PTCHD4: variants seen among roughly 807,000 people sequenced by gnomAD.
PTCHD4 encodes patched domain-containing protein 4.
A neutral mutation model predicts 58.1 loss-of-function variants in PTCHD4; 33 were observed. The ratio of observed to expected loss-of-function variants is 0.57; its 90% CI spans 0.43 to 0.76. The LOEUF (loss-of-function observed/expected upper bound fraction) is 0.76. PTCHD4 is among the 30% of genes least tolerant of loss of function. The probability of loss-of-function intolerance (pLI) is 0.00; values close to 1 mark genes in which losing one functional copy is unlikely to be tolerated. For missense variants in PTCHD4, 1,058 were observed against 1,027.1 expected (o/e 1.03, Z -0.41); for synonymous variants, 478 against 409.6 (o/e 1.17, Z -2.02).
chr6:47,966,754 T>G (rs1767311473), intron 4 of PTCHD4, among the ~76,000 whole-genome samples: 1 of 152,222 alleles, frequency 6.6e-6, no homozygotes, highest in Non-Finnish European at 1.5e-5. Flanking sequence ...TGCTCATTCA[T>G]AAGAAGCAAC....
At chr6:47,994,354 A>T (rs1299089951) in intron 4 of PTCHD4, among the ~76,000 whole-genome samples, 4 of 152,226 alleles carry the variant, frequency 2.6e-5, no homozygotes, top group Non-Finnish European at 5.9e-5. Flanking sequence ...TCATTCAGTC[A>T]GTCCAAAAAT....
intron 4 of PTCHD4, among the ~76,000 whole-genome samples, chr6:47,940,870 T>C (rs1398231239): frequency 6.6e-6 from 1 of 152,180 alleles, no homozygotes; most frequent in Non-Finnish European, 1.5e-5. Context: ...GTCAAATCAA[T>C]ATTAAAATGT....
At chr6:48,046,496 ATT>A (rs1386013334) in intron 3 of PTCHD4, among the ~76,000 whole-genome samples, 4 of 151,906 alleles carry the variant, frequency 2.6e-5, no homozygotes, top group Admixed American at 2.0e-4. Context: ...TGGATTGATT[ATT>A]TTCTACCTTT....
chr6:48,003,970 T>C (rs1370553870), intron 4 of PTCHD4, among the ~76,000 whole-genome samples: 2 of 152,258 alleles, frequency 1.3e-5, no homozygotes, highest in East Asian at 1.9e-4. Context: ...TGACCACTTA[T>C]GTTCTTTATC....
intron 4 of PTCHD4, among the ~76,000 whole-genome samples, chr6:47,891,782 A>G (rs1388714569): frequency 1.3e-5 from 2 of 151,980 alleles, no homozygotes; most frequent in Admixed American, 6.6e-5. Context: ...GTAATTAGTC[A>G]ATAAACCTAA....
At chr6:48,029,745 G>A (rs1763371039) in intron 3 of PTCHD4, among the ~76,000 whole-genome samples, 1 of 151,926 alleles carries the variant, frequency 6.6e-6, no homozygotes, top group African/African-American at 2.4e-5. Context: ...TGTTCTTCTG[G>A]ACATAAGTAG....
chr6:47,978,070 T>C (rs1330408538), intron 4 of PTCHD4, among the ~76,000 whole-genome samples: 1 of 152,126 alleles, frequency 6.6e-6, no homozygotes, highest in Admixed American at 6.6e-5. Context: ...TAGCAAATAA[T>C]CCTTACTGCT....
At position 47,893,423 on chromosome 6, in the gene PTCHD4, T is replaced by C. The variant is rs186645002; in HGVS notation, c.899-13487A>G. On this transcript the variant is annotated intron_variant, in intron 4 of 4. Coordinates refer to ENST00000339488, the MANE Select transcript of PTCHD4 (RefSeq NM_001384253.1). ...AAAAGATGCACTGTGGAGTCAGGCA[T>C]TTTGGTCCCAGTTCTGGCTCCATAT... Among the ~76,000 whole-genome samples the C allele has an allele frequency of 3.7e-3, 565 of 152,320 alleles. 3 individuals carry two copies. Among genetic ancestry groups the C allele is most frequent in the African/African-American group, 0.012 (501 of 41,562 alleles).
intron 4 of PTCHD4, among the ~76,000 whole-genome samples, chr6:47,970,660 AAC>A (rs574400505): frequency 6.7e-4 from 102 of 152,270 alleles, no homozygotes; most frequent in Admixed American, 1.7e-3. Flanking sequence ...TTTTAGAGGA[AAC>A]ACAGTACTGA....
intron 4 of PTCHD4, among the ~76,000 whole-genome samples, chr6:47,959,142 G>A (rs930560387): frequency 5.3e-5 from 8 of 152,140 alleles, no homozygotes; most frequent in African/African-American, 1.7e-4. Flanking sequence ...TAAACCAGAA[G>A]TGAAATGGAT....
intron 3 of PTCHD4, among the ~76,000 whole-genome samples, chr6:48,064,722 ATT>A (rs1397017259): frequency 1.3e-5 from 2 of 152,106 alleles, no homozygotes; most frequent in East Asian, 3.9e-4. Context: ...GTTAATGACT[ATT>A]TGTTGTGAAT....
intron 1 of PTCHD4, among the ~76,000 whole-genome samples, chr6:48,086,293 A>G (rs1472752399): frequency 1.3e-5 from 2 of 152,198 alleles, no homozygotes; most frequent in Non-Finnish European, 2.9e-5. Flanking sequence ...GCACAAAATT[A>G]TTATTCTTTT....
At chr6:48,031,439 A>G (rs1224135437) in intron 3 of PTCHD4, among the ~76,000 whole-genome samples, 4 of 152,120 alleles carry the variant, frequency 2.6e-5, no homozygotes, top group Non-Finnish European at 5.9e-5. Flanking sequence ...CCCTGCACCT[A>G]TCACAATAGT....
At chr6:47,994,728 C>T (rs549073798) in intron 4 of PTCHD4, among the ~76,000 whole-genome samples, 46 of 152,258 alleles carry the variant, frequency 3.0e-4, no homozygotes, top group African/African-American at 1.1e-3. Flanking sequence ...CCATGGGTTT[C>T]CTTGGAGGGA....
chr6:47,924,269 A>C (rs888624532), intron 4 of PTCHD4, among the ~76,000 whole-genome samples: 1 of 152,056 alleles, frequency 6.6e-6, no homozygotes, highest in African/African-American at 2.4e-5. Context: ...TCATGACTAC[A>C]TGGAAAAGCC....
chr6:47,929,386 A>G (rs1581893352), intron 4 of PTCHD4, among the ~76,000 whole-genome samples: 1 of 152,332 alleles, frequency 6.6e-6, no homozygotes, highest in South Asian at 2.1e-4. Context: ...CTTTACACTG[A>G]TATTTAATAT....
At chr6:47,895,684 C>T (rs1436270648) in intron 4 of PTCHD4, among the ~76,000 whole-genome samples, 1 of 152,052 alleles carries the variant, frequency 6.6e-6, no homozygotes, top group Non-Finnish European at 1.5e-5. Flanking sequence ...ATAAGTTGCA[C>T]AGATATTTTC....
chr6:48,033,534 C>T (rs1462844454), intron 3 of PTCHD4, among the ~76,000 whole-genome samples: 2 of 151,470 alleles, frequency 1.3e-5, no homozygotes, highest in Non-Finnish European at 2.9e-5. Context: ...GTTTGTGGTG[C>T]TCACATTGCA....
intron 4 of PTCHD4, among the ~76,000 whole-genome samples, chr6:47,923,934 G>A (rs1322224807): frequency 6.6e-6 from 1 of 152,156 alleles, no homozygotes; most frequent in Admixed American, 6.5e-5. Flanking sequence ...CCACTTCACA[G>A]TGCTTGGCTG....
Sources: allele counts gnomAD v4.1 joint callset (sites outside exome capture counted in the v4.1 genomes callset), GRCh38; gene constraint gnomAD v4.1.1; transcripts MANE v1.5; gene names NCBI Gene and HGNC (gene_info 2026-07-23, HGNC 2026-07-21).